ASH1L: variants seen among roughly 807,000 people sequenced by gnomAD.
The protein encoded by ASH1L is histone-lysine N-methyltransferase ASH1L.
A neutral mutation model predicts 269.0 loss-of-function variants in ASH1L; 23 were observed. The ratio of observed to expected loss-of-function variants is 0.09; its 90% CI spans 0.06 to 0.12. ASH1L has a LOEUF of 0.12. Ranked by LOEUF, ASH1L falls within the 10% of genes least tolerant of loss-of-function variation. ASH1L has a pLI of 1.00. For synonymous variants in ASH1L, 1,187 were observed against 1,253.5 expected, an observed-to-expected ratio of 0.95 and a Z score of 1.12; for missense variants, 2,912 against 3,567.8, an observed-to-expected ratio of 0.82 and a Z score of 4.68.
Position 155,352,801 on chromosome 1 carries a change from C to A in ASH1L, c.7271G>T (p.Arg2424Leu). ...AATATTTTCCTCTGCAGCTGCCAAC[C>A]GTCTTGTTCGAACAGATCGAGCTGT... ...LQTARSVRTR[R>L]LAAAEENIEV... Residue 2424 changes from arginine (R) to leucine (L), a missense_variant, in exon 17 of 28, where the codon CGG (arginine) becomes CTG (leucine). By Grantham distance (102) the Arg-to-Leu change is moderately radical. Transcript: ENST00000392403. 1.2e-6 allele frequency: 2 copies of A among 1,614,126 alleles called. No individual in the cohort carries two copies. Among genetic ancestry groups the A allele is most frequent in the Non-Finnish European group, 1.7e-6 (2 of 1,180,016 alleles).
At chr1:155,378,671 C>T (rs1242027811) in intron 8 of ASH1L, 123 bp from the exon 9 acceptor site, 3 of 764,722 alleles carry the variant, frequency 3.9e-6, no homozygotes, top group Non-Finnish European at 6.4e-6. Context: ...ATTTACAAGA[C>T]ATTTTGGGTT....
chr1:155,382,059 T>C (rs1480724099), intron 7 of ASH1L, among the ~76,000 whole-genome samples: 2 of 151,120 alleles, frequency 1.3e-5, no homozygotes, highest in African/African-American at 2.4e-5. Context: ...ATACAAAAAT[T>C]AGCTGGGTGT....
intron 2 of ASH1L, among the ~76,000 whole-genome samples, chr1:155,499,511 T>G (rs1667369284): frequency 6.6e-6 from 1 of 152,226 alleles, no homozygotes; most frequent in African/African-American, 2.4e-5. Context: ...TCTTTCATCA[T>G]TAAGTTTCAT....
chr1:155,369,622 G>A lies in ASH1L; in HGVS notation c.6686+882C>T, dbSNP rs370176125. ...GATGCTAATCTATTTGAGGGGAAGG[G>A]ACCTCCAGATTCACTTTTTTTATTT... On this transcript the variant is annotated intron_variant, in intron 12 of 27. Transcript: ENST00000392403. Among the ~76,000 whole-genome samples, 183 of 152,142 alleles carry A rather than the reference G, an allele frequency of 1.2e-3. 6 individuals are homozygous for A. In the South Asian group the frequency reaches 0.036, roughly 30 times the overall value.
chr1:155,449,156 G>T (rs191144148), intron 4 of ASH1L, among the ~76,000 whole-genome samples: 9 of 150,950 alleles, frequency 6.0e-5, no homozygotes, highest in African/African-American at 2.2e-4. Flanking sequence ...GGATGGTCTC[G>T]ATCTCTTGAC....
intron 19 of ASH1L, among the ~76,000 whole-genome samples, chr1:155,348,858 G>A (rs1653601922): frequency 6.7e-6 from 1 of 150,138 alleles, no homozygotes; most frequent in Non-Finnish European, 1.5e-5. Flanking sequence ...TCCAGCCTGG[G>A]TGACAGAGCA....
At chr1:155,388,489 A>G (rs1303082616) in intron 7 of ASH1L, among the ~76,000 whole-genome samples, 1 of 151,770 alleles carries the variant, frequency 6.6e-6, no homozygotes, top group Non-Finnish European at 1.5e-5. Flanking sequence ...TTTTGTATAC[A>G]TGGGTTTTCA....
At chr1:155,352,640 A>G in intron 17 of ASH1L, 66 bp downstream of exon 17, 1 of 1,465,092 alleles carries the variant, frequency 6.8e-7, no homozygotes, top group Non-Finnish European at 9.1e-7. Flanking sequence ...CCCTATCTCT[A>G]TTTATTTAAA....
At chr1:155,448,152 C>CT (rs1345849988) in intron 4 of ASH1L, among the ~76,000 whole-genome samples, 1 of 152,146 alleles carries the variant, frequency 6.6e-6, no homozygotes, top group African/African-American at 2.4e-5. Context: ...AATAAGTTCA[C>CT]TGTAGGTGTG....
intron 8 of ASH1L, 55 bp from the exon 9 acceptor site, chr1:155,378,603 G>T: frequency 1.4e-6 from 2 of 1,388,842 alleles, no homozygotes; most frequent in Non-Finnish European, 2.0e-6. Flanking sequence ...ATGCCAGACG[G>T]CAGCATCAAT....
intron 6 of ASH1L, among the ~76,000 whole-genome samples, chr1:155,405,441 C>A (rs777409514): frequency 6.6e-6 from 1 of 152,148 alleles, no homozygotes; most frequent in East Asian, 1.9e-4. Flanking sequence ...GAGATGAAGC[C>A]GCTGCCCTCA....
chr1:155,395,647 T>C, intron 6 of ASH1L, 94 bp from the exon 7 acceptor site: 2 of 744,160 alleles, frequency 2.7e-6, no homozygotes, highest in Admixed American at 3.1e-5. Flanking sequence ...GAGGAGAGGG[T>C]ACCAAGTACA....
chr1:155,425,462 G>A (rs1202871091), intron 5 of ASH1L, among the ~76,000 whole-genome samples: 1 of 141,196 alleles, frequency 7.1e-6, no homozygotes, highest in African/African-American at 2.7e-5. Flanking sequence ...TTTTTGAGGT[G>A]GAGTCTCGCT....
chr1:155,356,268 C>A (rs770842233), intron 15 of ASH1L, among the ~76,000 whole-genome samples: 1 of 152,072 alleles, frequency 6.6e-6, no homozygotes, highest in Non-Finnish European at 1.5e-5. Context: ...TTCTCTACTG[C>A]GGACTCCTTT....
At chr1:155,483,968 T>C (rs1288087351) in intron 2 of ASH1L, among the ~76,000 whole-genome samples, 1 of 152,120 alleles carries the variant, frequency 6.6e-6, no homozygotes, top group Non-Finnish European at 1.5e-5. Context: ...ATACCTTCTG[T>C]ATAAGAAAAT....
intron 4 of ASH1L, among the ~76,000 whole-genome samples, chr1:155,455,565 T>C (rs1015575120): frequency 1.2e-4 from 19 of 152,170 alleles, no homozygotes; most frequent in African/African-American, 4.6e-4. Context: ...CCTAGAAGGT[T>C]AGGACATGAT....
At chr1:155,511,970 C>G (rs1036914009) in intron 2 of ASH1L, among the ~76,000 whole-genome samples, 1 of 151,836 alleles carries the variant, frequency 6.6e-6, no homozygotes, top group Non-Finnish European at 1.5e-5. Context: ...ACCACCACGC[C>G]CGGCTAATTT....
At position 155,482,382 on chromosome 1, in the gene ASH1L, A is replaced by G; in HGVS notation, c.488T>C (p.Ile163Thr). The G allele has an allele frequency of 6.2e-7, 1 of 1,614,102 alleles. No individual in the cohort carries two copies. The highest frequency in any genetic ancestry group is 2.2e-5 in the East Asian group (1 of 44,888). Residue 163 changes from isoleucine to threonine, a missense_variant, in exon 3 of 28, where the codon ATC (isoleucine) becomes ACC (threonine). Around this residue, in one of 13 missense-constraint regions of ASH1L, gnomAD observed 277 missense variants for 367.7 expected, o/e 0.75. Transcript: ENST00000392403. ...AAIECQSEEVIRLHSQGENNP... is the reference protein window; with the variant it reads ...AAIECQSEEVTRLHSQGENNP... ...GTTTTCTCCCTGTGAATGAAGACGG[A>G]TGACTTCTTCAGACTGGCATTCAAT...
chr1:155,484,281 G>C (rs752443842), intron 2 of ASH1L, among the ~76,000 whole-genome samples: 5 of 152,106 alleles, frequency 3.3e-5, no homozygotes, highest in Non-Finnish European at 5.9e-5. Flanking sequence ...CTGAGGTCAG[G>C]AGTTCGAGAC....
Sources: allele counts gnomAD v4.1 joint callset (sites outside exome capture counted in the v4.1 genomes callset), GRCh38; gene constraint gnomAD v4.1.1; regional missense constraint gnomAD v4.1.1; transcripts MANE v1.5; gene names NCBI Gene and HGNC (gene_info 2026-07-23, HGNC 2026-07-21).